SPATA16: variants seen among roughly 807,000 people sequenced by gnomAD.
SPATA16 encodes the protein spermatogenesis-associated protein 16.
In SPATA16, 36 loss-of-function variants were observed where a neutral mutation model predicts 63.3. The observed-to-expected ratio is 0.57, with a 90% confidence interval of 0.44 to 0.75. The LOEUF (loss-of-function observed/expected upper bound fraction) is 0.75, where lower values mean the gene tolerates loss of function less well. SPATA16 is among the 30% of genes least tolerant of loss of function. The pLI, the probability that SPATA16 is intolerant of heterozygous loss-of-function variation, is 0.00. For synonymous variants in SPATA16, 203 were observed against 216.7 expected (o/e 0.94, Z 0.56); for missense variants, 646 against 679.3 (o/e 0.95, Z 0.54).
chr3:173,030,276 A>G (rs572592365), intron 3 of SPATA16, among the ~76,000 whole-genome samples: 3 of 152,224 alleles, frequency 2.0e-5, no homozygotes, highest in South Asian at 2.1e-4. Context: ...GACAATATAA[A>G]CAGAGTAACA....
At chr3:172,978,398 A>G (rs1734218567) in intron 4 of SPATA16, among the ~76,000 whole-genome samples, 1 of 152,204 alleles carries the variant, frequency 6.6e-6, no homozygotes, top group Admixed American at 6.5e-5. Flanking sequence ...AAATGTTTGC[A>G]TTTTGATAGA....
At chr3:173,084,157 A>G (rs1171821519) in intron 2 of SPATA16, among the ~76,000 whole-genome samples, 2 of 152,038 alleles carry the variant, frequency 1.3e-5, no homozygotes, top group Non-Finnish European at 2.9e-5. Flanking sequence ...AAGTGTTCCT[A>G]TTTCTCCACA....
intron 4 of SPATA16, among the ~76,000 whole-genome samples, chr3:172,984,752 G>T (rs763686630): frequency 6.6e-6 from 1 of 152,060 alleles, no homozygotes; most frequent in South Asian, 2.1e-4. Context: ...TTTTCTTGAG[G>T]TTTACTGCCT....
chr3:172,969,867 T>A (rs570295151), intron 5 of SPATA16, among the ~76,000 whole-genome samples: 1 of 152,298 alleles, frequency 6.6e-6, no homozygotes, highest in African/African-American at 2.4e-5. Flanking sequence ...GCTTATATGG[T>A]TTGGCTTTCT....
chr3:173,107,706 T>A (rs1737653297), intron 2 of SPATA16, among the ~76,000 whole-genome samples: 1 of 152,168 alleles, frequency 6.6e-6, no homozygotes, highest in Non-Finnish European at 1.5e-5. Flanking sequence ...GGATCTCATC[T>A]ACTCACTATT....
chr3:173,101,021 A>G (rs1361397818), intron 2 of SPATA16, among the ~76,000 whole-genome samples: 1 of 152,210 alleles, frequency 6.6e-6, no homozygotes, highest in African/African-American at 2.4e-5. Context: ...TGCTGCATGT[A>G]CATAGGAAAA....
intron 1 of SPATA16, among the ~76,000 whole-genome samples, chr3:173,128,833 T>C (rs1439268144): frequency 1.3e-5 from 2 of 152,262 alleles, no homozygotes; most frequent in African/African-American, 2.4e-5. Context: ...GTAAGCATAT[T>C]CATGATTAGC....
intron 1 of SPATA16, among the ~76,000 whole-genome samples, chr3:173,128,177 C>A (rs1298950421): frequency 6.6e-6 from 1 of 152,144 alleles, no homozygotes. Context: ...TGGTTCCAGG[C>A]TCCATTATAT....
At chr3:173,012,261 C>G (rs944498270) in intron 4 of SPATA16, among the ~76,000 whole-genome samples, 4 of 152,142 alleles carry the variant, frequency 2.6e-5, no homozygotes, top group Non-Finnish European at 1.5e-5. Context: ...TAAAACACTA[C>G]TGAGATAAAT....
chr3:172,889,449 A>G lies in SPATA16; in HGVS notation c.*121T>C, dbSNP rs1168677332. The G allele has an allele frequency of 3.2e-5, 44 of 1,378,494 alleles. No individual in the cohort carries two copies. Among genetic ancestry groups the G allele is most frequent in the Non-Finnish European group, 4.5e-5 (44 of 977,216 alleles). 85.4% of individuals were successfully genotyped at this position (1,378,494 alleles called of 1,614,324 possible). Reference sequence around the variant, plus strand: ...GTAAAGATGAACTGAGGGGAATACCACCTCTTTCTTTTGGTGACAAGCTTT... The same window carrying G: ...GTAAAGATGAACTGAGGGGAATACCGCCTCTTTCTTTTGGTGACAAGCTTT... On this transcript the variant is annotated 3_prime_UTR_variant, in exon 11 of 11. Coordinates refer to ENST00000351008, the MANE Select transcript of SPATA16 (RefSeq NM_031955.6).
At chr3:173,077,216 T>G (rs1471968073) in intron 2 of SPATA16, among the ~76,000 whole-genome samples, 3 of 152,152 alleles carry the variant, frequency 2.0e-5, no homozygotes, top group Non-Finnish European at 4.4e-5. Context: ...TTCTACACTT[T>G]TTTTCTGAAT....
At chr3:173,068,034 GACAA>G (rs1255661245) in intron 2 of SPATA16, among the ~76,000 whole-genome samples, 1 of 152,176 alleles carries the variant, frequency 6.6e-6, no homozygotes, top group Non-Finnish European at 1.5e-5. Flanking sequence ...ACATGAAGGA[GACAA>G]ACAAAAGCTG....
intron 4 of SPATA16, among the ~76,000 whole-genome samples, chr3:172,988,586 G>A (rs1734506092): frequency 6.6e-6 from 1 of 152,166 alleles, no homozygotes; most frequent in Non-Finnish European, 1.5e-5. Flanking sequence ...TGGGGAGGAG[G>A]CACCTTAAAG....
At chr3:172,966,008 T>G (rs1470344383) in intron 5 of SPATA16, among the ~76,000 whole-genome samples, 1 of 152,218 alleles carries the variant, frequency 6.6e-6, no homozygotes, top group East Asian at 1.9e-4. Context: ...CTCCTATACA[T>G]GACTTCCCAT....
chr3:172,958,511 A>G (rs553757692), intron 5 of SPATA16, among the ~76,000 whole-genome samples: 17 of 152,276 alleles, frequency 1.1e-4, no homozygotes, highest in Non-Finnish European at 2.1e-4. Context: ...TCAAGGAGGA[A>G]AGCTGCTTTA....
intron 2 of SPATA16, among the ~76,000 whole-genome samples, chr3:173,111,350 C>T (rs532693085): frequency 6.6e-6 from 1 of 152,134 alleles, no homozygotes; most frequent in Non-Finnish European, 1.5e-5. Context: ...GCAGAGCTTA[C>T]AGTGAGCCGA....
intron 5 of SPATA16, among the ~76,000 whole-genome samples, chr3:172,957,211 T>C (rs1314618766): frequency 6.6e-6 from 1 of 152,174 alleles, no homozygotes; most frequent in African/African-American, 2.4e-5. Context: ...AGATTTCTTT[T>C]AAAAACTAAA....
rs371095814 is a variant in SPATA16, at chr3:172,911,044, C to T, written c.1587+2617G>A. 6.6e-5 allele frequency among the ~76,000 whole-genome samples: 10 copies of T among 152,310 alleles called. 1 individual carries two copies. The highest frequency in any genetic ancestry group is 2.1e-4 in the South Asian group (1 of 4,828). On this transcript the variant is annotated intron_variant, in intron 10 of 10. Coordinates refer to ENST00000351008, the MANE Select transcript of SPATA16 (RefSeq NM_031955.6). The stretch of plus-strand genomic sequence containing the variant: ...TTTCTTTTTTGCCAACTGTTAGATT[C>T]TGTCATCAGAGGGCATTAGAAGGAG...
chr3:173,140,253 T>C (rs1738673429), intron 1 of SPATA16, among the ~76,000 whole-genome samples: 2 of 152,194 alleles, frequency 1.3e-5, no homozygotes, highest in Non-Finnish European at 2.9e-5. Context: ...ATACAAAGTT[T>C]TTATGCATTT....
Sources: allele counts gnomAD v4.1 joint callset (sites outside exome capture counted in the v4.1 genomes callset), GRCh38; gene constraint gnomAD v4.1.1; transcripts MANE v1.5; gene names NCBI Gene and HGNC (gene_info 2026-07-23, HGNC 2026-07-21).